The following ARMC6 variants were observed in gnomAD, a reference collection of about 807,000 sequenced individuals.
ARMC6 encodes armadillo repeat containing 6.
A neutral mutation model predicts 49.2 loss-of-function variants in ARMC6; 43 were observed. The ratio of observed to expected loss-of-function variants is 0.87; its 90% CI spans 0.69 to 1.13. The LOEUF (loss-of-function observed/expected upper bound fraction) is 1.13. Ranked by LOEUF, ARMC6 falls within the 50% of genes most tolerant of loss-of-function variation. ARMC6 has a pLI of 0.00. For missense variants in ARMC6, 627 were observed against 682.0 expected (o/e 0.92, Z 0.90); for synonymous variants, 262 against 289.6 (o/e 0.90, Z 0.97).
intron 4 of ARMC6, 25 bp downstream of exon 4, chr19:19,044,099 A>G (rs1348204783): frequency 6.2e-7 from 1 of 1,602,414 alleles, no homozygotes; most frequent in Admixed American, 1.7e-5. Flanking sequence ...CCCACACAGC[A>G]GGTCCTGCGT....
At chr19:19,046,776 T>C (rs1170698184) in intron 4 of ARMC6, among the ~76,000 whole-genome samples, 2 of 152,244 alleles carry the variant, frequency 1.3e-5, no homozygotes, top group East Asian at 3.9e-4. Context: ...GTTATAGGCA[T>C]GAGCCACTAT....
chr19:19,057,641 T>C lies in ARMC6; in HGVS notation c.*13T>C. ...CCTGGCGCCATGACCCCAGGCCCAG[T>C]CTGGGCCGTGACTCTGGGTGAGTCG... is the stretch of plus-strand genomic sequence containing the variant. On this transcript the variant is annotated 3_prime_UTR_variant, in exon 9 of 9. Coordinates refer to ENST00000535612, the MANE Select transcript of ARMC6 (RefSeq NM_001199196.2). The C allele has an allele frequency of 6.2e-7, 1 of 1,609,976 alleles. No individual in the cohort carries two copies. The highest frequency in any genetic ancestry group is 1.1e-5 in the South Asian group (1 of 91,058).
At position 19,051,685 on chromosome 19, in the gene ARMC6, A is replaced by C. The variant is rs1599646445; in HGVS notation, c.343A>C (p.Thr115Pro). 6.2e-7 allele frequency: 1 copy of C among 1,613,538 alleles called. No individual in the cohort carries two copies. The highest frequency in any genetic ancestry group is 8.5e-7 in the Non-Finnish European group (1 of 1,179,916). Reference protein sequence around the residue: ...SRPQEVSAYLTRFCDQCKQDK... With the variant: ...SRPQEVSAYLPRFCDQCKQDK... ...CCCCCAGGAGGTGTCAGCATACCTC[A>C]CCCGCTTCTGCGACCAGTGCAAACA... is the stretch of plus-strand genomic sequence containing the variant. Residue 115 changes from threonine (T) to proline (P), a missense_variant, in exon 5 of 9, where the codon ACC becomes CCC. Transcript: ENST00000535612.
Position 19,051,921 on chromosome 19 carries a change from C to T in ARMC6, c.579C>T (p.Asp193=), listed in dbSNP as rs751110637. ...ATLTQNADEA[D]LTCSGIRCVR... ...TGACCCAGAATGCTGATGAGGCTGA[C>T]CTGACCTGCTCTGGGATCCGCTGTG... The change falls in exon 5 of 9, where the codon GAC becomes GAT. Residue 193 remains aspartate (D), a synonymous_variant. Coordinates refer to ENST00000535612, the MANE Select transcript of ARMC6 (RefSeq NM_001199196.2). 1 of 1,614,184 alleles carries T rather than the reference C, an allele frequency of 6.2e-7. No individual in the cohort carries two copies. Among genetic ancestry groups the T allele is most frequent in the South Asian group, 1.1e-5 (1 of 91,092 alleles).
rs1476857142 is a variant in ARMC6, at chr19:19,042,752, C to T, written c.71C>T (p.Ala24Val). ...SIGCTPTSTQ[A>V]KMVSKRIAQE... ...GGCTGCACGCCAACATCAACACAGG[C>T]GAAGATGGTCTCCAAGCGCATTGCC... Residue 24 changes from alanine to valine, a missense_variant, in exon 3 of 9, where the codon GCG becomes GTG. Ala to Val is a moderately conservative substitution (Grantham distance 64). Transcript: ENST00000535612. 13 of 1,613,662 alleles carry T rather than the reference C, an allele frequency of 8.1e-6. No homozygotes were observed. Among genetic ancestry groups the T allele is most frequent in the Middle Eastern group, 1.6e-4 (1 of 6,084 alleles).
In ARMC6 at chr19:19,043,980, C is replaced by G; in HGVS notation, c.197-12C>G. 6.2e-7 allele frequency: 1 copy of G among 1,613,410 alleles called. No homozygotes were observed. Among genetic ancestry groups the G allele is most frequent in the Non-Finnish European group, 8.5e-7 (1 of 1,179,426 alleles). ...CTGACCCCTGTGTGCTTGCTTCCCC[C>G]ACCCCCAACAGGGGTTGATCTGAGC... On this transcript the variant is annotated splice_polypyrimidine_tract_variant and intron_variant, in intron 3 of 8. Transcript: ENST00000535612.
intron 3 of ARMC6, 94 bp downstream of exon 3, chr19:19,042,971 T>C: frequency 6.7e-7 from 1 of 1,493,468 alleles, no homozygotes; most frequent in Non-Finnish European, 9.0e-7. Context: ...GGGTGCCACA[T>C]GCCTGGCATA....
At position 19,051,659 on chromosome 19, in the gene ARMC6, G is replaced by T. The variant is rs1034362178; in HGVS notation, c.317G>T (p.Arg106Leu). 1.2e-6 allele frequency: 2 copies of T among 1,610,692 alleles called. No individual in the cohort carries two copies. The highest frequency in any genetic ancestry group is 1.7e-6 in the Non-Finnish European group (2 of 1,178,428). Residue 106 changes from arginine (R) to leucine (L), a missense_variant, in exon 5 of 9, where the codon CGC becomes CTC. By Grantham distance (102) the Arg-to-Leu change is moderately radical. Coordinates refer to ENST00000535612, the MANE Select transcript of ARMC6 (RefSeq NM_001199196.2). ...CTCCAGGAGTCTGTGGCCAGCTCTC[G>T]CCCCCAGGAGGTGTCAGCATACCTC... The part of the protein sequence containing the change: ...SDLQESVASS[R>L]PQEVSAYLTR...
chr19:19,056,088 T>C (rs1426345733), intron 8 of ARMC6, 160 bp downstream of exon 8: 4 of 711,592 alleles, frequency 5.6e-6, no homozygotes, highest in Non-Finnish European at 8.1e-6. Context: ...CCGAGCCCCA[T>C]AGGGCCAACT....
rs1221761422 is a variant in ARMC6, at chr19:19,055,026, G to T, written c.1024-239G>T. 6.6e-6 allele frequency among the ~76,000 whole-genome samples: 1 copy of T among 152,198 alleles called. No individual in the cohort carries two copies. The highest frequency in any genetic ancestry group is 2.1e-4 in the South Asian group (1 of 4,834). On this transcript the variant is annotated intron_variant, in intron 6 of 8. Coordinates refer to ENST00000535612, the MANE Select transcript of ARMC6 (RefSeq NM_001199196.2). The surrounding 1 kb of genome is among the most constrained non-coding windows in gnomAD (Gnocchi z 5.7). Reference sequence around the variant, plus strand: ...AGGGGGACCCTGTGCTCTGAAGGCCGGCCTGAGTCACATGCCCCCGCTGCC... The same window carrying T: ...AGGGGGACCCTGTGCTCTGAAGGCCTGCCTGAGTCACATGCCCCCGCTGCC...
chr19:19,046,927 G>GTTTTTTTTTTTTTT (rs386388691), intron 4 of ARMC6, among the ~76,000 whole-genome samples: 12 of 104,330 alleles, frequency 1.2e-4, no homozygotes, highest in African/African-American at 1.4e-4. Context: ...ATGCTCACCT[G>GTTTTTTTTTTTTTT]TTTTTTTTTT....
Position 19,054,145 on chromosome 19 carries a change from C to T in ARMC6, c.854-7C>T. The T allele has an allele frequency of 6.4e-7, 1 of 1,551,192 alleles. No individual in the cohort carries two copies. The highest frequency in any genetic ancestry group is 2.4e-5 in the East Asian group (1 of 41,758). ...GCCCCCACCACCGTCTCCCTTTCTC[C>T]CTGCAGCGTTCCTGGATAACCCTGG... On this transcript the variant is annotated splice_region_variant and splice_polypyrimidine_tract_variant and intron_variant, in intron 5 of 8. Coordinates refer to ENST00000535612, the MANE Select transcript of ARMC6 (RefSeq NM_001199196.2).
rs1568497885 is a variant in ARMC6, at chr19:19,055,690, G to A, written c.1156-101G>A. ...ACAGGAGTTGCCAGAGACCCACGGAGGGGAGGCCGCAGGGTGTTCACCAGG... is the reference window on the plus strand; with the variant it reads ...ACAGGAGTTGCCAGAGACCCACGGAAGGGAGGCCGCAGGGTGTTCACCAGG... On this transcript the variant is annotated intron_variant, in intron 7 of 8. Coordinates refer to ENST00000535612, the MANE Select transcript of ARMC6 (RefSeq NM_001199196.2). The surrounding 1 kb of genome is among the most constrained non-coding windows in gnomAD (Gnocchi z 5.7). 2 of 1,466,646 alleles carry A rather than the reference G, an allele frequency of 1.4e-6. No homozygotes were observed. The highest frequency in any genetic ancestry group is 1.8e-6 in the Non-Finnish European group (2 of 1,098,410). The allele number at this position is 1,466,646 out of a possible 1,614,324, so 90.9% of individuals were successfully genotyped here.
intron 4 of ARMC6, among the ~76,000 whole-genome samples, chr19:19,049,088 G>C (rs2059475884): frequency 6.7e-6 from 1 of 148,192 alleles, no homozygotes; most frequent in Non-Finnish European, 1.5e-5. Context: ...TTTGAGACAG[G>C]GTCTCCCCAG....
At chr19:19,047,161 T>C (rs915305188) in intron 4 of ARMC6, among the ~76,000 whole-genome samples, 1 of 151,964 alleles carries the variant, frequency 6.6e-6, no homozygotes, top group Non-Finnish European at 1.5e-5. Flanking sequence ...TGGAAATACA[T>C]TCTTAGCATA....
Position 19,055,181 on chromosome 19 carries a change from C to T in ARMC6, c.1024-84C>T, listed in dbSNP as rs556390895. On this transcript the variant is annotated intron_variant, in intron 6 of 8. Transcript: ENST00000535612. The surrounding 1 kb of genome is among the most constrained non-coding windows in gnomAD (Gnocchi z 5.7). Reference sequence around the variant, plus strand: ...CACACCATACCTGTTGGTCAAACAGCAAAACAGCCCCACATTCTCCCTCAG... The same window carrying T: ...CACACCATACCTGTTGGTCAAACAGTAAAACAGCCCCACATTCTCCCTCAG... 569 of 1,487,236 alleles carry T rather than the reference C, an allele frequency of 3.8e-4. No individual in the cohort carries two copies. Among genetic ancestry groups the T allele is most frequent in the Non-Finnish European group, 4.9e-4 (552 of 1,120,138 alleles). 92.1% of individuals were successfully genotyped at this position (1,487,236 alleles called of 1,614,324 possible).
At position 19,042,894 on chromosome 19, in the gene ARMC6, G is replaced by A; in HGVS notation, c.196+17G>A. 2 of 1,612,942 alleles carry A rather than the reference G, an allele frequency of 1.2e-6. No homozygotes were observed. Among genetic ancestry groups the A allele is most frequent in the African/African-American group, 1.3e-5 (1 of 75,042 alleles). Reference sequence around the variant, plus strand: ...AATCGCAAGGTAGGGTGGTGTGACTGTCACCTACCATCCTTGGCTCTTAGA... The same window carrying A: ...AATCGCAAGGTAGGGTGGTGTGACTATCACCTACCATCCTTGGCTCTTAGA... On this transcript the variant is annotated intron_variant, in intron 3 of 8. Transcript: ENST00000535612.
Position 19,055,812 on chromosome 19 carries a change from G to A in ARMC6, c.1177G>A (p.Ala393Thr), listed in dbSNP as rs2059539155. 2 of 1,597,950 alleles carry A rather than the reference G, an allele frequency of 1.3e-6. No individual in the cohort carries two copies. The highest frequency in any genetic ancestry group is 1.7e-6 in the Non-Finnish European group (2 of 1,169,044). Residue 393 changes from alanine (A) to threonine (T), a missense_variant, in exon 8 of 9, where the codon GCC becomes ACC. By Grantham distance (58) the Ala-to-Thr change is moderately conservative. Coordinates refer to ENST00000535612, the MANE Select transcript of ARMC6 (RefSeq NM_001199196.2). The surrounding 1 kb of genome is among the most constrained non-coding windows in gnomAD (Gnocchi z 5.7). ...GCAGGTGTGTGAGCAGAGCTGCGCG[G>A]CCCTGTGCTTCCTGGCCCTGCGTAA... ...SPQVCEQSCA[A>T]LCFLALRKPD...
intron 3 of ARMC6, 130 bp downstream of exon 3, chr19:19,043,007 C>T: frequency 8.6e-7 from 1 of 1,163,546 alleles, no homozygotes; most frequent in Non-Finnish European, 1.2e-6. Flanking sequence ...TGGGCCCTGT[C>T]CCCTCCAGCT....
Sources: allele counts gnomAD v4.1 joint callset (sites outside exome capture counted in the v4.1 genomes callset), GRCh38; gene constraint gnomAD v4.1.1; non-coding constraint Gnocchi (gnomAD v3.1); transcripts MANE v1.5; gene names NCBI Gene and HGNC (gene_info 2026-07-23, HGNC 2026-07-21).